POU6F2: variants seen among roughly 807,000 people sequenced by gnomAD.
The protein encoded by POU6F2 is POU class 6 homeobox 2, also known as POU domain, class 6, transcription factor 2.
POU6F2 carries 31 observed loss-of-function variants against 71.3 expected under a neutral mutation model. The ratio of observed to expected loss-of-function variants is 0.43; its 90% CI spans 0.33 to 0.59. The LOEUF (loss-of-function observed/expected upper bound fraction) is 0.59, where lower values mean the gene tolerates loss of function less well. POU6F2 is among the 20% of genes least tolerant of loss of function. The pLI is 0.04. For synonymous variants in POU6F2, 347 were observed against 355.7 expected (o/e 0.98, Z 0.27); for missense variants, 783 against 856.8 (o/e 0.91, Z 1.07).
At position 39,112,861 on chromosome 7, in the gene POU6F2, CT is replaced by C. The variant is rs573908775; in HGVS notation, c.277+26831del. On this transcript the variant is annotated intron_variant, in intron 2 of 9. Transcript: ENST00000518318. ...GTTTCTGTTCCCCAGAGAAAAGATA[CT>C]GCCATCTTAAGCTATTATGGATTAG... Among the ~76,000 whole-genome samples, 7 of 152,242 alleles carry C rather than the reference CT, an allele frequency of 4.6e-5. No individual in the cohort carries two copies. The East Asian group carries it at 1.2e-3, about 25-fold the overall frequency.
chr7:39,430,103 A>G (rs1021151239), intron 6 of POU6F2, among the ~76,000 whole-genome samples: 2 of 152,236 alleles, frequency 1.3e-5, no homozygotes, highest in African/African-American at 4.8e-5. Flanking sequence ...GAGAATATTT[A>G]GATGACACAA....
chr7:39,273,990 A>G (rs192135836), intron 4 of POU6F2, among the ~76,000 whole-genome samples: 1 of 152,342 alleles, frequency 6.6e-6, no homozygotes, highest in Non-Finnish European at 1.5e-5. Context: ...AACTTTGCTT[A>G]TTTTTAACAA....
At chr7:39,077,204 C>T (rs555104101) in intron 1 of POU6F2, among the ~76,000 whole-genome samples, 128 of 152,292 alleles carry the variant, frequency 8.4e-4, no homozygotes, top group Non-Finnish European at 1.5e-3. Flanking sequence ...TTCATAAAGG[C>T]AGCAGAAATT....
chr7:39,105,624 T>TG (rs1380596769), intron 2 of POU6F2, among the ~76,000 whole-genome samples: 1 of 152,030 alleles, frequency 6.6e-6, no homozygotes, highest in African/African-American at 2.4e-5. Flanking sequence ...TTGATTAAAG[T>TG]GGGGGGTGGT....
intron 2 of POU6F2, among the ~76,000 whole-genome samples, chr7:39,122,739 A>G (rs6979829): frequency 0.46 from 63,536 of 137,578 alleles, 14,323 homozygotes; most frequent in East Asian, 0.7. Context: ...ATGGAATCTT[A>G]CTCTGTGGTC....
At chr7:39,225,487 C>T (rs1181395673) in intron 4 of POU6F2, among the ~76,000 whole-genome samples, 4 of 152,176 alleles carry the variant, frequency 2.6e-5, no homozygotes, top group Non-Finnish European at 5.9e-5. Context: ...TGAATTTCTT[C>T]ATCCCCTACC....
chr7:39,265,027 T>TA (rs1198467008), intron 4 of POU6F2, among the ~76,000 whole-genome samples: 10 of 152,090 alleles, frequency 6.6e-5, no homozygotes, highest in Non-Finnish European at 1.3e-4. Flanking sequence ...GAAGGAAAGG[T>TA]AAAATCTGGC....
intron 1 of POU6F2, chr7:38,984,928 A>G (rs546324509): frequency 6.6e-6 from 1 of 152,234 alleles, no homozygotes; most frequent in South Asian, 2.1e-4. Flanking sequence ...ATTCCTGTTC[A>G]AAAGAACAAA....
intron 4 of POU6F2, among the ~76,000 whole-genome samples, chr7:39,285,627 G>C (rs1429294576): frequency 6.6e-6 from 1 of 152,092 alleles, no homozygotes; most frequent in Non-Finnish European, 1.5e-5. Context: ...CCCCAGGTAA[G>C]GACCAAAAAC....
intron 5 of POU6F2, among the ~76,000 whole-genome samples, chr7:39,364,145 A>G (rs539483903): frequency 6.6e-6 from 1 of 152,314 alleles, no homozygotes; most frequent in South Asian, 2.1e-4. Context: ...GGTTTTCTCT[A>G]GAGAGCAGCT....
rs56755867 is a variant in POU6F2 at position 39,056,648 on chromosome 7, T to TTCTCTCTC, written c.106-29204_106-29197dup. Among the ~76,000 whole-genome samples the TTCTCTCTC allele has an allele frequency of 5.7e-4, 67 of 118,044 alleles. 1 individual carries two copies. The highest frequency in any genetic ancestry group is 1.9e-3 in the African/African-American group (65 of 35,110). The allele number at this position is 118,044 out of a possible 152,430, so 77.4% of individuals were successfully genotyped here. A position where few individuals can be genotyped will look rare whatever the true frequency, so the allele number is the denominator to read the frequency against. ...TCCTTGTTTCTCTCTCTTTCTCTTT[T>TTCTCTCTC]TCTCTCTCTCTCTCTGTGTGTGTGT... On this transcript the variant is annotated intron_variant, in intron 1 of 9. Transcript: ENST00000518318.
At chr7:39,378,058 A>G (rs755446059) in intron 5 of POU6F2, among the ~76,000 whole-genome samples, 3 of 152,182 alleles carry the variant, frequency 2.0e-5, no homozygotes, top group Non-Finnish European at 2.9e-5. Context: ...AATTGGTCCA[A>G]TGATATAAGT....
At chr7:39,069,065 C>CT (rs1436326729) in intron 1 of POU6F2, among the ~76,000 whole-genome samples, 5 of 152,100 alleles carry the variant, frequency 3.3e-5, no homozygotes, top group Non-Finnish European at 7.4e-5. Flanking sequence ...AATATAGAAC[C>CT]TCTGCGACAT....
At chr7:39,016,173 A>G (rs1789543239) in intron 1 of POU6F2, among the ~76,000 whole-genome samples, 1 of 134,570 alleles carries the variant, frequency 7.4e-6, no homozygotes, top group African/African-American at 2.8e-5. Context: ...TATTATGTAT[A>G]GATACATTAT....
At chr7:39,005,698 G>GACT (rs758073072) in intron 1 of POU6F2, among the ~76,000 whole-genome samples, 50 of 151,986 alleles carry the variant, frequency 3.3e-4, no homozygotes, top group Non-Finnish European at 6.3e-4. Context: ...CAAGAGAATG[G>GACT]ACTACTGTCT....
intron 1 of POU6F2, among the ~76,000 whole-genome samples, chr7:39,019,584 A>G (rs543506606): frequency 3.3e-5 from 5 of 151,790 alleles, no homozygotes; most frequent in Non-Finnish European, 5.9e-5. Flanking sequence ...TAGAGCTACT[A>G]GGAGACAGAT....
At chr7:39,238,693 G>A (rs1794720646) in intron 4 of POU6F2, among the ~76,000 whole-genome samples, 1 of 152,150 alleles carries the variant, frequency 6.6e-6, no homozygotes, top group Admixed American at 6.6e-5. Flanking sequence ...TTGTGACCAT[G>A]CCCTGTTTGG....
At position 39,102,519 on chromosome 7, in the gene POU6F2, C is replaced by T. The variant is rs902655199; in HGVS notation, c.277+16488C>T. On this transcript the variant is annotated intron_variant, in intron 2 of 9. Coordinates refer to ENST00000518318, the MANE Select transcript of POU6F2 (RefSeq NM_001370959.1). ...TTTTTAATTGAACTGCTTCTGAATT[C>T]GATGTTTCTGGACATCATCCACACT... Among the ~76,000 whole-genome samples, 7 of 151,996 alleles carry T rather than the reference C, an allele frequency of 4.6e-5. No homozygotes were observed. In the East Asian group the frequency reaches 1.2e-3, roughly 25 times the overall value.
chr7:39,000,276 T>C (rs1315452772), intron 1 of POU6F2, among the ~76,000 whole-genome samples: 4 of 152,188 alleles, frequency 2.6e-5, no homozygotes, highest in Non-Finnish European at 5.9e-5. Context: ...ATAGATATAC[T>C]CTTGGGAAAA....
Sources: allele counts gnomAD v4.1 joint callset (sites outside exome capture counted in the v4.1 genomes callset), GRCh38; gene constraint gnomAD v4.1.1; transcripts MANE v1.5; gene names NCBI Gene and HGNC (gene_info 2026-07-23, HGNC 2026-07-21).